GSE1: variants seen among roughly 807,000 people sequenced by gnomAD.
The protein encoded by GSE1 is genetic suppressor element 1.
GSE1 carries 32 observed loss-of-function variants against 112.6 expected under a neutral mutation model. That is an observed-to-expected ratio of 0.28 (90% CI 0.21 to 0.38). The LOEUF (loss-of-function observed/expected upper bound fraction) is 0.38, where lower values mean the gene tolerates loss of function less well. Among genes scored for constraint, GSE1 ranks in the 10% least tolerant of loss-of-function variants. The probability of loss-of-function intolerance (pLI) is 1.00; values close to 1 mark genes in which losing one functional copy is unlikely to be tolerated. For missense variants in GSE1, 2,348 were observed against 1,699.2 expected (o/e 1.38, Z -6.71); for synonymous variants, 1,115 against 735.6 (o/e 1.52, Z -8.35).
At chr16:85,413,844 G>A (rs534708305) in intron 2 of GSE1, among the ~76,000 whole-genome samples, 1 of 152,316 alleles carries the variant, frequency 6.6e-6, no homozygotes, top group South Asian at 2.1e-4. Flanking sequence ...ACTAGATCAT[G>A]GGGGTGGTTT....
intron 1 of GSE1, among the ~76,000 whole-genome samples, chr16:85,280,884 C>T (rs1204767483): frequency 6.6e-6 from 1 of 152,152 alleles, no homozygotes; most frequent in Non-Finnish European, 1.5e-5. Flanking sequence ...AGAACATCGG[C>T]GGTGACAAGG....
At chr16:85,436,683 G>A (rs2049253985) in intron 2 of GSE1, among the ~76,000 whole-genome samples, 1 of 152,360 alleles carries the variant, frequency 6.6e-6, no homozygotes, top group South Asian at 2.1e-4. Flanking sequence ...AACTGGGCAA[G>A]GCCCAAACCC....
intron 2 of GSE1, among the ~76,000 whole-genome samples, chr16:85,637,918 GA>G (rs1159669257): frequency 6.6e-6 from 1 of 152,216 alleles, no homozygotes; most frequent in Non-Finnish European, 1.5e-5. Flanking sequence ...GTCCTGGGCA[GA>G]GGGGGCAGGG....
chr16:85,467,921 A>G (rs1385372144), intron 2 of GSE1, among the ~76,000 whole-genome samples: 1 of 152,170 alleles, frequency 6.6e-6, no homozygotes, highest in Non-Finnish European at 1.5e-5. Context: ...CTGGGACCTG[A>G]GACATCGTCT....
chr16:85,292,383 C>T (rs1018351520), intron 1 of GSE1, among the ~76,000 whole-genome samples: 1 of 150,752 alleles, frequency 6.6e-6, no homozygotes, highest in South Asian at 2.1e-4. Context: ...GGCTGGAGTG[C>T]AGTGGCGCGA....
At chr16:85,198,845 C>A (rs568858222) in intron 1 of GSE1, among the ~76,000 whole-genome samples, 3 of 152,228 alleles carry the variant, frequency 2.0e-5, no homozygotes, top group Middle Eastern at 3.4e-3. Context: ...GTGGTGTGAT[C>A]GTGACTCACT....
At chr16:85,517,775 C>T (rs1241502741) in intron 2 of GSE1, among the ~76,000 whole-genome samples, 1 of 152,238 alleles carries the variant, frequency 6.6e-6, no homozygotes, top group East Asian at 1.9e-4. Context: ...CTAAGGGAGC[C>T]CCGTGCACGG....
intron 1 of GSE1, among the ~76,000 whole-genome samples, chr16:85,231,227 G>C (rs1904282523): frequency 1.3e-5 from 2 of 150,112 alleles, no homozygotes; most frequent in South Asian, 4.3e-4. Context: ...ATGGATGGAT[G>C]ATGATGGATG....
chr16:85,657,418 C>T lies in GSE1; in HGVS notation c.1454C>T (p.Ala485Val), dbSNP rs780711816. 13 of 1,612,760 alleles carry T rather than the reference C, an allele frequency of 8.1e-6. No individual in the cohort carries two copies. The highest frequency in any genetic ancestry group is 1.1e-5 in the South Asian group (1 of 91,002). The change falls in exon 8 of 16, where the codon GCC (alanine) becomes GTC (valine). Residue 485 changes from alanine to valine, a missense_variant. Coordinates refer to ENST00000253458, the MANE Select transcript of GSE1 (RefSeq NM_014615.5). ...FSLPSSSAAT[A>V]LLIQRTNEEE... The stretch of plus-strand genomic sequence containing the variant: ...CTGCCTAGCAGCAGTGCTGCCACAG[C>T]CCTGCTGATCCAGCGCACCAATGAG...
rs371953264 is a variant in GSE1, at chr16:85,308,278, A to C, written c.2284-49185A>C. On this transcript the variant is annotated intron_variant, in intron 1 of 2. Coordinates refer to the GSE1 transcript ENST00000637419. ...GAGCTGGGGACAGGAAAGGATGACT[A>C]CTCCCACCATTCTGTGGACACCGAG... 9.9e-5 allele frequency among the ~76,000 whole-genome samples: 15 copies of C among 151,678 alleles called. No individual in the cohort carries two copies. The East Asian group carries it at 1.5e-3, about 16-fold the overall frequency.
At chr16:85,608,064 A>G (rs1377647108), upstream of GSE1, among the ~76,000 whole-genome samples, 1 of 152,204 alleles carries the variant, frequency 6.6e-6, no homozygotes, top group Non-Finnish European at 1.5e-5. Flanking sequence ...ACCTGGAGAG[A>G]TGAATTCCAG....
intron 1 of GSE1, among the ~76,000 whole-genome samples, chr16:85,234,865 C>T (rs1009801201): frequency 1.3e-5 from 2 of 152,170 alleles, no homozygotes; most frequent in African/African-American, 4.8e-5. Flanking sequence ...GATTAGAAGG[C>T]ATCTGGCTCA....
intron 2 of GSE1, among the ~76,000 whole-genome samples, chr16:85,410,559 GGT>G (rs2048497264): frequency 8.0e-5 from 1 of 12,554 alleles, no homozygotes; most frequent in Non-Finnish European, 1.5e-4. Flanking sequence ...TTGCACTCAG[GGT>G]CCCTCTGATA....
At chr16:85,449,327 AG>A (rs1201368192) in intron 2 of GSE1, among the ~76,000 whole-genome samples, 1 of 152,138 alleles carries the variant, frequency 6.6e-6, no homozygotes, top group Non-Finnish European at 1.5e-5. Context: ...TGGGCCTGGA[AG>A]GGCCCAGAAA....
At chr16:85,474,527 G>A (rs1464962380) in intron 2 of GSE1, among the ~76,000 whole-genome samples, 5 of 152,052 alleles carry the variant, frequency 3.3e-5, no homozygotes, top group East Asian at 3.9e-4. Flanking sequence ...AATTAAACCC[G>A]GGTGCCTGTG....
At chr16:85,455,833 C>A (rs899885526) in intron 2 of GSE1, among the ~76,000 whole-genome samples, 4 of 152,370 alleles carry the variant, frequency 2.6e-5, no homozygotes, top group South Asian at 4.1e-4. Flanking sequence ...TCCACTCTCA[C>A]GCCTGCATGG....
chr16:85,661,404 A>G lies in GSE1; in HGVS notation c.1899A>G (p.Lys633=). The change falls in exon 9 of 16, where the codon AAA becomes AAG. Residue 633 remains lysine, a synonymous_variant. Coordinates refer to ENST00000253458, the MANE Select transcript of GSE1 (RefSeq NM_014615.5). ...TGGAGCGGGTCTTCTGCCCGGAGAA[A>G]GCAGAGGAGGGGCCACGGAAGCGTG... is the stretch of plus-strand genomic sequence containing the variant. ...VKVERVFCPE[K]AEEGPRKREP... 3.1e-6 allele frequency: 5 copies of G among 1,612,318 alleles called. No individual in the cohort carries two copies. Among genetic ancestry groups the G allele is most frequent in the Non-Finnish European group, 3.4e-6 (4 of 1,179,738 alleles).
At chr16:85,599,466 G>A (rs1307173269) in intron 1 of GSE1, among the ~76,000 whole-genome samples, 2 of 152,214 alleles carry the variant, frequency 1.3e-5, no homozygotes, top group Non-Finnish European at 2.9e-5. Context: ...GGAGGTGGGG[G>A]TGGTGACACG....
At chr16:85,642,118 C>G (rs2050495919) in intron 2 of GSE1, among the ~76,000 whole-genome samples, 1 of 152,240 alleles carries the variant, frequency 6.6e-6, no homozygotes, top group Non-Finnish European at 1.5e-5. Flanking sequence ...CACACTGAGT[C>G]TCCTGCTGAG....
Sources: gnomAD v4.1 joint callset for allele counts (sites outside exome capture counted in the v4.1 genomes callset) on GRCh38, gnomAD v4.1.1 for gene constraint, MANE v1.5 for transcripts, NCBI Gene and HGNC (gene_info 2026-07-23, HGNC 2026-07-21) for gene names.